The following B3GAT1 variants were observed in gnomAD, a reference collection of about 807,000 sequenced individuals.
B3GAT1 encodes galactosylgalactosylxylosylprotein 3-beta-glucuronosyltransferase 1.
B3GAT1 carries 11 observed loss-of-function variants against 28.4 expected under a neutral mutation model. That is an observed-to-expected ratio of 0.39 (90% confidence interval 0.24 to 0.64). The LOEUF (loss-of-function observed/expected upper bound fraction) is 0.64, where lower values mean the gene tolerates loss of function less well. Ranked by LOEUF, B3GAT1 falls within the 30% of genes least tolerant of loss-of-function variation. B3GAT1 has a pLI of 0.50. For synonymous variants in B3GAT1, 255 were observed against 223.1 expected (o/e 1.14, Z -1.27); for missense variants, 375 against 491.0 (o/e 0.76, Z 2.23).
At chr11:134,409,089 T>C (rs1944798568) in intron 1 of B3GAT1, among the ~76,000 whole-genome samples, 1 of 152,190 alleles carries the variant, frequency 6.6e-6, no homozygotes, top group Admixed American at 6.5e-5. Context: ...TTAAAATTCA[T>C]CTAGTATTTC....
chr11:134,378,628 C>G lies in B3GAT1; in HGVS notation c.*2134G>C, dbSNP rs1373050499. On this transcript the variant is annotated 3_prime_UTR_variant, in exon 6 of 6. Coordinates refer to ENST00000312527, the MANE Select transcript of B3GAT1 (RefSeq NM_054025.3). ...CACCCCAGCCTCTGTTCTTAGAACT[C>G]CTAGCCCCTGGCCTCACTCCTGTGT... The G allele has an allele frequency of 2.6e-5, 4 of 152,238 alleles. No homozygotes were observed. The highest frequency in any genetic ancestry group is 6.5e-5 in the Admixed American group (1 of 15,284). The allele number at this position is 152,238 out of a possible 1,614,324, so 9.4% of individuals were successfully genotyped here. A position where few individuals can be genotyped will look rare whatever the true frequency, so the allele number is the denominator to read the frequency against.
In B3GAT1 at chr11:134,383,784, C is replaced by T; in HGVS notation, c.517G>A (p.Ala173Thr). 1 of 1,597,182 alleles carries T rather than the reference C, an allele frequency of 6.3e-7. No individual in the cohort carries two copies. ...IPRGTMQRNL[A>T]LRWLRETFPR... Reference sequence around the variant, plus strand: ...AAGGTCTCGCGCAGCCAGCGCAGGGCCAGGTTGCGCTGCATGGTGCCCCGC... The same window carrying T: ...AAGGTCTCGCGCAGCCAGCGCAGGGTCAGGTTGCGCTGCATGGTGCCCCGC... The change falls in exon 3 of 6, where the codon GCC (alanine) becomes ACC (threonine). Residue 173 changes from alanine to threonine, a missense_variant. Coordinates refer to ENST00000312527, the MANE Select transcript of B3GAT1 (RefSeq NM_054025.3).
intron 1 of B3GAT1, chr11:134,388,669 A>G (rs1944347996): frequency 6.6e-6 from 1 of 152,090 alleles, no homozygotes; most frequent in South Asian, 2.1e-4. Context: ...ATGAGTACCC[A>G]GTGTTTAGCT....
intron 1 of B3GAT1, among the ~76,000 whole-genome samples, chr11:134,392,674 G>A (rs80036658): frequency 0.057 from 8,685 of 152,188 alleles, 777 homozygotes; most frequent in African/African-American, 0.19. Flanking sequence ...CCTCCAGAGA[G>A]GAATTTGTCT....
At chr11:134,401,011 CA>C (rs1355536482) in intron 1 of B3GAT1, among the ~76,000 whole-genome samples, 20 of 152,190 alleles carry the variant, frequency 1.3e-4, no homozygotes, top group Non-Finnish European at 2.9e-5. Flanking sequence ...GATTAGTGAT[CA>C]TTAGAGAGAT....
At chr11:134,387,409 A>G (rs1944314302) in intron 2 of B3GAT1, 139 bp downstream of exon 2, 1 of 1,147,218 alleles carries the variant, frequency 8.7e-7, no homozygotes, top group Non-Finnish European at 1.2e-6. Flanking sequence ...AAGGGGTGCA[A>G]GACTCATGAA....
At chr11:134,389,975 G>C (rs150824907) in intron 1 of B3GAT1, 1 of 152,118 alleles carries the variant, frequency 6.6e-6, no homozygotes, top group African/African-American at 2.4e-5. Context: ...CAGGACGGCC[G>C]GCATCCCCTG....
chr11:134,397,313 C>T (rs1048819298), intron 1 of B3GAT1, among the ~76,000 whole-genome samples: 12 of 152,212 alleles, frequency 7.9e-5, no homozygotes, highest in African/African-American at 2.9e-4. Flanking sequence ...CTCCTGTGCA[C>T]TCCTGACTGC....
Position 134,383,705 on chromosome 11 carries a change from GTGT to G in B3GAT1, c.593_595del (p.Asn198del). 6.3e-7 allele frequency: 1 copy of G among 1,588,698 alleles called. No homozygotes were observed. The highest frequency in any genetic ancestry group is 8.6e-7 in the Non-Finnish European group (1 of 1,163,422). ...CTCTTCGAAGAGCTCCAGGCTGTAG[GTGT>G]TGTCGTCGTCGGCGAAGTAGACCAC... On this transcript the variant is annotated inframe_deletion, in exon 3 of 6. Transcript: ENST00000312527.
chr11:134,390,729 G>A (rs1423677609), intron 1 of B3GAT1: 2 of 152,338 alleles, frequency 1.3e-5, no homozygotes, highest in African/African-American at 4.8e-5. Flanking sequence ...CAGAGAAGGG[G>A]AGTAACTTGC....
intron 1 of B3GAT1, among the ~76,000 whole-genome samples, chr11:134,398,664 C>T (rs1185571541): frequency 1.3e-5 from 2 of 151,204 alleles, no homozygotes. Flanking sequence ...GCAGCAGTGG[C>T]CAGGCAGGGG....
intron 1 of B3GAT1, among the ~76,000 whole-genome samples, chr11:134,397,533 C>CG (rs1944528575): frequency 2.0e-5 from 3 of 151,822 alleles, no homozygotes; most frequent in African/African-American, 7.3e-5. Context: ...CCCAGAGCCA[C>CG]AGGGGGGGCC....
chr11:134,397,383 T>C (rs77110747), intron 1 of B3GAT1, among the ~76,000 whole-genome samples: 8,921 of 152,090 alleles, frequency 0.059, 550 homozygotes, highest in African/African-American at 0.15. Context: ...ACTCCCACCA[T>C]GTCCCTCCTG....
At chr11:134,404,195 G>A (rs973454715) in intron 1 of B3GAT1, among the ~76,000 whole-genome samples, 1 of 151,252 alleles carries the variant, frequency 6.6e-6, no homozygotes, top group Non-Finnish European at 1.5e-5. Context: ...GACAGGCCCC[G>A]GTGTGTGATG....
At chr11:134,402,912 C>A (rs28408890) in intron 1 of B3GAT1, among the ~76,000 whole-genome samples, 1,572 of 83,228 alleles carry the variant, frequency 0.019, 17 homozygotes, top group Non-Finnish European at 0.029. Context: ...GACTCTGTTT[C>A]AAAAAAAAAA....
chr11:134,384,314 C>A, intron 2 of B3GAT1, 126 bp from the exon 3 acceptor site: 1 of 1,259,994 alleles, frequency 7.9e-7, no homozygotes, highest in South Asian at 1.6e-5. Flanking sequence ...TGCTCAGACC[C>A]CCGCCTTGCC....
chr11:134,395,268 C>T (rs537761469), intron 1 of B3GAT1, among the ~76,000 whole-genome samples: 4 of 152,310 alleles, frequency 2.6e-5, no homozygotes, highest in South Asian at 2.1e-4. Flanking sequence ...GACGGACAGC[C>T]GGAGAGGGAG....
At chr11:134,382,354 T>A (rs1370297448) in intron 4 of B3GAT1, among the ~76,000 whole-genome samples, 1 of 152,210 alleles carries the variant, frequency 6.6e-6, no homozygotes. Flanking sequence ...TATGTGTATA[T>A]GTGCATGTCT....
intron 1 of B3GAT1, chr11:134,390,350 C>G (rs115301453): frequency 0.011 from 1,674 of 152,464 alleles, 36 homozygotes; most frequent in African/African-American, 0.038. Context: ...TAGGCCACAT[C>G]TGATGAAGGA....
Sources: gnomAD v4.1 joint callset for allele counts (sites outside exome capture counted in the v4.1 genomes callset) on GRCh38, gnomAD v4.1.1 for gene constraint, MANE v1.5 for transcripts, NCBI Gene and HGNC (gene_info 2026-07-23, HGNC 2026-07-21) for gene names.